CUL5: variants seen among roughly 807,000 people sequenced by gnomAD.
CUL5 encodes cullin 5.
A neutral mutation model predicts 108.8 loss-of-function variants in CUL5; 26 were observed. The observed-to-expected ratio is 0.24, with a 90% CI of 0.18 to 0.33. CUL5 has a LOEUF of 0.33. Ranked by LOEUF, CUL5 falls within the 10% of genes least tolerant of loss-of-function variation. The pLI, the probability that CUL5 is intolerant of heterozygous loss-of-function variation, is 1.00. For missense variants in CUL5, 524 were observed against 909.2 expected (o/e 0.58, Z 5.45); for synonymous variants, 334 against 298.0 (o/e 1.12, Z -1.25).
chr11:108,042,393 AT>A (rs543936170), intron 2 of CUL5, among the ~76,000 whole-genome samples: 2 of 150,742 alleles, frequency 1.3e-5, no homozygotes, highest in Non-Finnish European at 1.5e-5. Flanking sequence ...TAATTTTTGT[AT>A]TTTTTTTAGT....
At chr11:108,012,495 C>T (rs1862078076) in intron 1 of CUL5, among the ~76,000 whole-genome samples, 1 of 150,750 alleles carries the variant, frequency 6.6e-6, no homozygotes, top group East Asian at 1.9e-4. Context: ...CATCTTCCCC[C>T]CAGGACTTGG....
At chr11:108,096,416 C>T (rs1161401248) in intron 16 of CUL5, among the ~76,000 whole-genome samples, 1 of 151,438 alleles carries the variant, frequency 6.6e-6, no homozygotes, top group African/African-American at 2.4e-5. Context: ...TGCTTGAGCC[C>T]AGGAGGATGC....
chr11:108,042,082 A>C (rs1862933082), intron 2 of CUL5, among the ~76,000 whole-genome samples: 1 of 152,164 alleles, frequency 6.6e-6, no homozygotes, highest in South Asian at 2.1e-4. Flanking sequence ...TAGGACTGTG[A>C]TTGAATATAA....
intron 11 of CUL5, among the ~76,000 whole-genome samples, chr11:108,082,125 G>T (rs999254155): frequency 1.3e-5 from 2 of 152,116 alleles, no homozygotes; most frequent in Non-Finnish European, 2.9e-5. Context: ...AGCTTTCAGT[G>T]TACAAGTCTT....
In CUL5 at chr11:108,072,406, C is replaced by T; in HGVS notation, c.949C>T (p.His317Tyr). 6.2e-7 allele frequency: 1 copy of T among 1,612,620 alleles called. No homozygotes were observed. Residue 317 changes from histidine (H) to tyrosine (Y), a missense_variant, in exon 9 of 19, where the codon CAT becomes TAT. This residue lies in a region of CUL5 where 170 missense variants were observed against 305.1 expected (regional missense o/e 0.56). Coordinates refer to ENST00000393094, the MANE Select transcript of CUL5 (RefSeq NM_003478.6). ...GCCAATGTTGAAAGACTTGGAGGAACATATCATTAGTGCTGGCCTGGCAGA... is the reference window on the plus strand; with the variant it reads ...GCCAATGTTGAAAGACTTGGAGGAATATATCATTAGTGCTGGCCTGGCAGA... The part of the protein sequence containing the change: ...IEPMLKDLEE[H>Y]IISAGLADMV...
intron 8 of CUL5, among the ~76,000 whole-genome samples, chr11:108,071,323 C>T (rs1024361730): frequency 2.0e-5 from 3 of 152,070 alleles, no homozygotes; most frequent in African/African-American, 4.8e-5. Context: ...TTCGATGGCA[C>T]GATCACAATT....
chr11:108,017,802 A>G (rs1336804175), intron 1 of CUL5, among the ~76,000 whole-genome samples: 2 of 152,036 alleles, frequency 1.3e-5, no homozygotes, highest in Non-Finnish European at 2.9e-5. Context: ...AGCAATGTTT[A>G]TGCTGCTGCA....
At chr11:108,060,460 A>G (rs1029345240) in intron 7 of CUL5, among the ~76,000 whole-genome samples, 1 of 152,238 alleles carries the variant, frequency 6.6e-6, no homozygotes, top group Non-Finnish European at 1.5e-5. Context: ...AGAGCTATAT[A>G]ACTAATGAAA....
intron 7 of CUL5, among the ~76,000 whole-genome samples, chr11:108,064,347 C>T (rs1333016692): frequency 1.3e-5 from 2 of 152,172 alleles, no homozygotes; most frequent in Non-Finnish European, 2.9e-5. Context: ...GTATGTTGAA[C>T]CATCCTTGCA....
At chr11:108,045,124 C>T (rs748344260) in intron 2 of CUL5, among the ~76,000 whole-genome samples, 40 of 152,092 alleles carry the variant, frequency 2.6e-4, no homozygotes, top group Non-Finnish European at 4.7e-4. Flanking sequence ...AAATATATTT[C>T]TATAATGAAG....
intron 7 of CUL5, among the ~76,000 whole-genome samples, chr11:108,064,854 G>A (rs1248889090): frequency 3.3e-5 from 5 of 152,042 alleles, no homozygotes; most frequent in Non-Finnish European, 5.9e-5. Flanking sequence ...GGCAATACTG[G>A]CCTCATAGAA....
chr11:108,009,453 C>G, intron 1 of CUL5, 81 bp downstream of exon 1: 1 of 1,489,324 alleles, frequency 6.7e-7, no homozygotes, highest in Non-Finnish European at 9.3e-7. Context: ...TCAGGTTCAG[C>G]TGCGAAGTGT....
chr11:108,025,963 C>T (rs952944379), intron 1 of CUL5, among the ~76,000 whole-genome samples: 4 of 152,112 alleles, frequency 2.6e-5, no homozygotes, highest in Non-Finnish European at 5.9e-5. Flanking sequence ...TCTCAGGAAG[C>T]GCTGTCCTGC....
At chr11:108,036,092 G>A (rs1862736389) in intron 2 of CUL5, among the ~76,000 whole-genome samples, 1 of 152,152 alleles carries the variant, frequency 6.6e-6, no homozygotes, top group African/African-American at 2.4e-5. Context: ...GCTTCTAAGG[G>A]TCAGACATCT....
intron 12 of CUL5, among the ~76,000 whole-genome samples, chr11:108,089,110 A>G (rs114917973): frequency 0.013 from 2,053 of 152,284 alleles, 44 homozygotes; most frequent in African/African-American, 0.047. Context: ...AAGAAAAAAA[A>G]TAAGATATTG....
chr11:108,079,901 T>C (rs2135203219), intron 11 of CUL5, among the ~76,000 whole-genome samples: 1 of 152,312 alleles, frequency 6.6e-6, no homozygotes, highest in Middle Eastern at 3.4e-3. Context: ...TGAAATTCTT[T>C]TATGTTTTGG....
rs190434172 is a variant in CUL5, at chr11:108,047,978, A to C, written c.234+1609A>C. Among the ~76,000 whole-genome samples the C allele has an allele frequency of 1.1e-3, 164 of 152,338 alleles. 1 individual carries two copies. The highest frequency in any genetic ancestry group is 3.8e-3 in the African/African-American group (157 of 41,580). ...GGGTTTCACGGTAACATGACTGAAT[A>C]AAGTCTGGAAATGTAGACCTCAGCA... On this transcript the variant is annotated intron_variant, in intron 3 of 18. Transcript: ENST00000393094.
intron 11 of CUL5, among the ~76,000 whole-genome samples, chr11:108,081,562 C>T (rs918053146): frequency 3.3e-5 from 5 of 151,806 alleles, no homozygotes; most frequent in Middle Eastern, 3.4e-3. Context: ...ACCATCCTGG[C>T]TAACATGGTG....
chr11:108,088,869 A>G (rs1321864098), intron 12 of CUL5, among the ~76,000 whole-genome samples: 1 of 152,092 alleles, frequency 6.6e-6, no homozygotes, highest in African/African-American at 2.4e-5. Context: ...AATACCATTT[A>G]ATTCCTCTCC....
Sources: gnomAD v4.1 joint callset for allele counts (sites outside exome capture counted in the v4.1 genomes callset) on GRCh38, gnomAD v4.1.1 for gene constraint, gnomAD v4.1.1 regional missense constraint, MANE v1.5 for transcripts, NCBI Gene and HGNC (gene_info 2026-07-23, HGNC 2026-07-21) for gene names.